The following ADAM28 variants were observed in gnomAD, a reference collection of about 807,000 sequenced individuals.
The protein encoded by ADAM28 is disintegrin and metalloproteinase domain-containing protein 28.
Under a neutral mutation model 101.2 loss-of-function variants are expected in ADAM28, and 105 were observed. The observed-to-expected ratio is 1.04, with a 90% CI of 0.89 to 1.22. ADAM28 has a LOEUF of 1.22. ADAM28 is among the 50% of genes most tolerant of loss of function. ADAM28 has a pLI of 0.00. For missense variants in ADAM28, 1,028 were observed against 945.4 expected, an observed-to-expected ratio of 1.09 and a Z score of -1.15; for synonymous variants, 322 against 310.6, an observed-to-expected ratio of 1.04 and a Z score of -0.39.
chr8:24,336,174 C>T lies in ADAM28; in HGVS notation c.1567+533C>T, dbSNP rs533636432. 6.3e-5 allele frequency: 62 copies of T among 984,666 alleles called. No individual in the cohort carries two copies. In the South Asian group the frequency reaches 2.2e-3, roughly 35 times the overall value. The allele number at this position is 984,666 out of a possible 1,614,324, so 61.0% of individuals were successfully genotyped here. A position where few individuals can be genotyped will look rare whatever the true frequency, so the allele number is the denominator to read the frequency against. ...AGAAAAGTGAAAGTTCTTAAATGGT[C>T]GCTTTGTCCATAATGCCAAAATTTT... On this transcript the variant is annotated intron_variant, in intron 14 of 22. Coordinates refer to ENST00000265769, the MANE Select transcript of ADAM28 (RefSeq NM_014265.6).
chr8:24,348,230 C>T (rs1229000148), intron 18 of ADAM28, among the ~76,000 whole-genome samples: 2 of 152,038 alleles, frequency 1.3e-5, no homozygotes, highest in African/African-American at 2.4e-5. Context: ...AAAAAATAAA[C>T]TTAACTTACT....
At chr8:24,343,045 C>T (rs1427121278) in intron 16 of ADAM28, 56 bp from the exon 17 acceptor site, 28 of 1,610,838 alleles carry the variant, frequency 1.7e-5, no homozygotes, top group Non-Finnish European at 2.3e-5. Context: ...CAGACCTCAA[C>T]TTTCTCATCT....
intron 10 of ADAM28, 91 bp from the exon 11 acceptor site, chr8:24,329,894 A>G (rs1041657240): frequency 9.9e-6 from 12 of 1,215,974 alleles, no homozygotes; most frequent in Middle Eastern, 2.0e-4. Context: ...TGTGAGAGAG[A>G]GAGAGAGAGA....
intron 9 of ADAM28, among the ~76,000 whole-genome samples, chr8:24,324,879 G>A (rs1812338334): frequency 6.6e-6 from 1 of 151,922 alleles, no homozygotes; most frequent in African/African-American, 2.4e-5. Flanking sequence ...AGCATTTCAA[G>A]AGGCATGAGA....
chr8:24,342,982 A>G, intron 16 of ADAM28, 119 bp from the exon 17 acceptor site: 1 of 1,503,354 alleles, frequency 6.7e-7, no homozygotes, highest in Non-Finnish European at 8.9e-7. Flanking sequence ...CCCTTCTTCT[A>G]CATCAGCCTC....
At position 24,356,539 on chromosome 8, in the gene ADAM28, T is replaced by C. The variant is rs577449215; in HGVS notation, c.*2135T>C. On this transcript the variant is annotated 3_prime_UTR_variant, in exon 23 of 23. Coordinates refer to ENST00000265769, the MANE Select transcript of ADAM28 (RefSeq NM_014265.6). ...ATGCAGTACAATGACAGGAAAACCA[T>C]TATTTTATCATAGAACTGCGAACCC... 6.6e-6 allele frequency: 1 copy of C among 152,272 alleles called. No homozygotes were observed. The highest frequency in any genetic ancestry group is 6.5e-5 in the Admixed American group (1 of 15,276). 9.4% of individuals were successfully genotyped at this position (152,272 alleles called of 1,614,324 possible).
rs906289730 is a variant in ADAM28 at position 24,301,146 on chromosome 8, T to C, written c.150+1069T>C. Among the ~76,000 whole-genome samples, 12 of 152,314 alleles carry C rather than the reference T, an allele frequency of 7.9e-5. No homozygotes were observed. The South Asian group carries it at 1.9e-3, about 24-fold the overall frequency. On this transcript the variant is annotated intron_variant, in intron 2 of 22. Transcript: ENST00000265769. ...TGAAATCCAGCACACTCGGTGCACA[T>C]ATTCCCTCACTGGACACGGTTTCCC...
chr8:24,326,749 T>A (rs1282905924), intron 10 of ADAM28, 114 bp downstream of exon 10: 1 of 912,492 alleles, frequency 1.1e-6, no homozygotes, highest in Non-Finnish European at 1.6e-6. Flanking sequence ...ACATGGTAAA[T>A]AACACTGATT....
intron 13 of ADAM28, 74 bp downstream of exon 13, chr8:24,332,823 C>T: frequency 1.3e-6 from 1 of 770,346 alleles, no homozygotes; most frequent in Non-Finnish European, 1.9e-6. Context: ...ATTATGTTAA[C>T]TGAAATAAGC....
chr8:24,336,097 TAAGAAAAGATGGAAAA>T, intron 14 of ADAM28: 1 of 986,588 alleles, frequency 1.0e-6, no homozygotes, highest in Non-Finnish European at 1.2e-6. Context: ...GGGACAGAAA[TAAGAAAAGATGGAAAA>T]AAGAAAAGAA....
chr8:24,315,082 A>C (rs1810987107), intron 6 of ADAM28, among the ~76,000 whole-genome samples: 6 of 151,986 alleles, frequency 3.9e-5, no homozygotes, highest in Admixed American at 3.9e-4. Flanking sequence ...CTTACCTATA[A>C]ATAATTACTA....
chr8:24,329,454 C>T (rs1813052001), intron 10 of ADAM28, among the ~76,000 whole-genome samples: 1 of 152,146 alleles, frequency 6.6e-6, no homozygotes, highest in Non-Finnish European at 1.5e-5. Context: ...TGAGTCCAAG[C>T]ACCTCAGACC....
intron 2 of ADAM28, among the ~76,000 whole-genome samples, chr8:24,305,451 CTTTTT>C (rs10654023): frequency 2.1e-4 from 14 of 65,446 alleles, no homozygotes; most frequent in African/African-American, 7.7e-4. Flanking sequence ...TAAGAGGTTT[CTTTTT>C]TTTTTTTTTT....
intron 14 of ADAM28, chr8:24,335,848 CTTAAAA>C (rs1400602978): frequency 1.6e-6 from 2 of 1,240,204 alleles, no homozygotes; most frequent in Non-Finnish European, 2.0e-6. Flanking sequence ...TAAATTTTAA[CTTAAAA>C]TTAACAAGTT....
intron 9 of ADAM28, among the ~76,000 whole-genome samples, chr8:24,324,577 A>G (rs150166754): frequency 6.6e-6 from 1 of 152,124 alleles, no homozygotes; most frequent in African/African-American, 2.4e-5. Context: ...CTATTACCTA[A>G]GAAAACCATG....
rs1234397321 is a variant in ADAM28 at position 24,355,418 on chromosome 8, T to A, written c.*1014T>A. 1.3e-5 allele frequency: 2 copies of A among 151,986 alleles called. No individual in the cohort carries two copies. Among genetic ancestry groups the A allele is most frequent in the Non-Finnish European group, 2.9e-5 (2 of 67,978 alleles). 9.4% of individuals were successfully genotyped at this position (151,986 alleles called of 1,614,324 possible). A position where few individuals can be genotyped will look rare whatever the true frequency, so the allele number is the denominator to read the frequency against. On this transcript the variant is annotated 3_prime_UTR_variant, in exon 23 of 23. Transcript: ENST00000265769. ...CTATCTAATCTATCTATCTCAGGGATAAATCCCTATCCTTTTAAGTAAGTC... is the reference window on the plus strand; with the variant it reads ...CTATCTAATCTATCTATCTCAGGGAAAAATCCCTATCCTTTTAAGTAAGTC...
intron 13 of ADAM28, among the ~76,000 whole-genome samples, chr8:24,333,365 C>T (rs767331362): frequency 3.9e-5 from 6 of 152,066 alleles, no homozygotes; most frequent in Non-Finnish European, 7.4e-5. Flanking sequence ...TGTAAGAGAC[C>T]GATACATCAA....
intron 17 of ADAM28, 92 bp from the exon 18 acceptor site, chr8:24,343,414 C>T (rs1815025436): frequency 7.5e-7 from 1 of 1,331,280 alleles, no homozygotes; most frequent in Admixed American, 1.8e-5. Flanking sequence ...TGGGGTTATT[C>T]CTTTTTCTGC....
rs372426972 is a variant in ADAM28, at chr8:24,355,060, C to T, written c.*656C>T. ...TTAATAGGATAAACCAGGTTGCGAA[C>T]TGGTGACCTGTAGGCCATGTTTGCA... On this transcript the variant is annotated 3_prime_UTR_variant, in exon 23 of 23. Coordinates refer to ENST00000265769, the MANE Select transcript of ADAM28 (RefSeq NM_014265.6). The T allele has an allele frequency of 7.2e-5, 11 of 152,540 alleles. No homozygotes were observed. The highest frequency in any genetic ancestry group is 2.7e-4 in the African/African-American group (11 of 41,428). The allele number at this position is 152,540 out of a possible 1,614,324, so 9.4% of individuals were successfully genotyped here.
Sources: allele counts gnomAD v4.1 joint callset (sites outside exome capture counted in the v4.1 genomes callset), GRCh38; gene constraint gnomAD v4.1.1; transcripts MANE v1.5; gene names NCBI Gene and HGNC (gene_info 2026-07-23, HGNC 2026-07-21).